KLHL1: variants seen among roughly 807,000 people sequenced by gnomAD.
The protein encoded by KLHL1 is kelch like family member 1.
A neutral mutation model predicts 77.7 loss-of-function variants in KLHL1; 47 were observed. The observed-to-expected ratio is 0.60, with a 90% CI of 0.48 to 0.77. The LOEUF (loss-of-function observed/expected upper bound fraction) is 0.77, where lower values mean the gene tolerates loss of function less well. Among genes scored for constraint, KLHL1 ranks in the 30% least tolerant of loss-of-function variants. The pLI is 0.00. For synonymous variants in KLHL1, 360 were observed against 325.2 expected (o/e 1.11, Z -1.15); for missense variants, 925 against 910.8 (o/e 1.02, Z -0.20).
intron 2 of KLHL1, among the ~76,000 whole-genome samples, chr13:69,971,675 A>G (rs914738797): frequency 2.6e-5 from 4 of 151,946 alleles, no homozygotes; most frequent in Non-Finnish European, 5.9e-5. Context: ...TTATTTGACT[A>G]TGTCTTGACT....
At chr13:69,759,710 G>T (rs1479522506) in intron 7 of KLHL1, among the ~76,000 whole-genome samples, 1 of 152,010 alleles carries the variant, frequency 6.6e-6, no homozygotes, top group Non-Finnish European at 1.5e-5. Flanking sequence ...CCTTAAATTC[G>T]CATTTCTACA....
At chr13:70,008,484 G>A (rs1428683195) in intron 1 of KLHL1, among the ~76,000 whole-genome samples, 1 of 151,962 alleles carries the variant, frequency 6.6e-6, no homozygotes, top group Non-Finnish European at 1.5e-5. Flanking sequence ...ACTCATGTGC[G>A]TCATTGGCTA....
intron 6 of KLHL1, among the ~76,000 whole-genome samples, chr13:69,821,182 AG>A (rs1307423333): frequency 6.6e-6 from 1 of 152,236 alleles, no homozygotes; most frequent in African/African-American, 2.4e-5. Flanking sequence ...AACAAATGGT[AG>A]GCTAGATATG....
At chr13:69,820,488 T>G (rs921392376) in intron 6 of KLHL1, among the ~76,000 whole-genome samples, 4 of 152,142 alleles carry the variant, frequency 2.6e-5, no homozygotes, top group African/African-American at 4.8e-5. Context: ...GTGATAAGCT[T>G]GCTATCATTT....
At chr13:69,842,629 G>C (rs1448925540) in intron 5 of KLHL1, among the ~76,000 whole-genome samples, 3 of 151,818 alleles carry the variant, frequency 2.0e-5, no homozygotes, top group Non-Finnish European at 4.4e-5. Context: ...ACAATGTGGA[G>C]ATTTCTCAAA....
chr13:69,988,728 T>C (rs963488244), intron 1 of KLHL1, among the ~76,000 whole-genome samples: 5 of 152,202 alleles, frequency 3.3e-5, no homozygotes, highest in African/African-American at 1.2e-4. Context: ...TTGAACATTT[T>C]TTCATAAGTA....
intron 6 of KLHL1, among the ~76,000 whole-genome samples, chr13:69,830,088 G>GA: frequency 6.7e-6 from 1 of 149,906 alleles, no homozygotes; most frequent in Non-Finnish European, 1.5e-5. Context: ...ATGATAAAAA[G>GA]AATAGTACCT....
intron 4 of KLHL1, among the ~76,000 whole-genome samples, chr13:69,891,571 A>G (rs1343291386): frequency 1.3e-5 from 2 of 152,024 alleles, no homozygotes; most frequent in African/African-American, 4.8e-5. Context: ...TCTAATTCTG[A>G]TCCTTTCTAG....
intron 3 of KLHL1, among the ~76,000 whole-genome samples, chr13:69,944,147 G>A (rs562668253): frequency 1.3e-5 from 2 of 152,154 alleles, no homozygotes; most frequent in Admixed American, 6.5e-5. Context: ...TGCCTAAACT[G>A]TACAAACAAT....
chr13:69,901,537 G>A (rs1881859062), intron 4 of KLHL1, among the ~76,000 whole-genome samples: 1 of 152,102 alleles, frequency 6.6e-6, no homozygotes, highest in Non-Finnish European at 1.5e-5. Flanking sequence ...TTTGGCAAAA[G>A]AAAACAAAAA....
In KLHL1 at chr13:69,707,610, T is replaced by C; in HGVS notation, c.2187+15A>G. Reference sequence around the variant, plus strand: ...TTCTTATCCTTGAAGTGAATTATGCTGATGACAATCTTACCTGTGTCCACT... The same window carrying C: ...TTCTTATCCTTGAAGTGAATTATGCCGATGACAATCTTACCTGTGTCCACT... On this transcript the variant is annotated intron_variant, in intron 10 of 10. Coordinates refer to ENST00000377844, the MANE Select transcript of KLHL1 (RefSeq NM_020866.3). The C allele has an allele frequency of 6.2e-7, 1 of 1,605,634 alleles. No individual in the cohort carries two copies. The highest frequency in any genetic ancestry group is 8.5e-7 in the Non-Finnish European group (1 of 1,174,406).
At chr13:69,719,209 T>TGTGTGTGTGA (rs879782405) in intron 9 of KLHL1, among the ~76,000 whole-genome samples, 160 bp downstream of exon 9, 2 of 36,864 alleles carry the variant, frequency 5.4e-5, no homozygotes, top group African/African-American at 1.1e-4. Context: ...TGTGTGTGTG[T>TGTGTGTGTGA]GAGAGAGAGA....
intron 3 of KLHL1, among the ~76,000 whole-genome samples, chr13:69,952,410 T>G (rs1472275863): frequency 1.3e-5 from 2 of 151,388 alleles, no homozygotes; most frequent in Non-Finnish European, 3.0e-5. Flanking sequence ...ATTTCTTTAT[T>G]AACTTTTATT....
At chr13:70,082,121 T>C (rs1023831397) in intron 1 of KLHL1, among the ~76,000 whole-genome samples, 1 of 152,118 alleles carries the variant, frequency 6.6e-6, no homozygotes, top group Non-Finnish European at 1.5e-5. Flanking sequence ...CCCCTTTGCC[T>C]TCCTCCATAA....
At chr13:70,087,973 G>A (rs1040264850) in intron 1 of KLHL1, among the ~76,000 whole-genome samples, 4 of 152,056 alleles carry the variant, frequency 2.6e-5, no homozygotes, top group African/African-American at 9.7e-5. Flanking sequence ...GCATGTGGGG[G>A]CTTCATATCT....
chr13:70,069,175 C>G (rs747023255), intron 1 of KLHL1, among the ~76,000 whole-genome samples: 10 of 152,070 alleles, frequency 6.6e-5, no homozygotes, highest in Non-Finnish European at 1.3e-4. Flanking sequence ...CCCACAAGCC[C>G]CATACGCTAC....
chr13:70,039,533 C>G (rs1400755876), intron 1 of KLHL1, among the ~76,000 whole-genome samples: 3 of 151,256 alleles, frequency 2.0e-5, no homozygotes, highest in South Asian at 2.1e-4. Flanking sequence ...TTTTAACAAT[C>G]TTTTTCAAAC....
At chr13:69,905,777 T>C (rs1341823298) in intron 4 of KLHL1, among the ~76,000 whole-genome samples, 1 of 152,090 alleles carries the variant, frequency 6.6e-6, no homozygotes, top group Admixed American at 6.6e-5. Flanking sequence ...CTTTTCTAAG[T>C]GGGCATATTA....
chr13:69,927,512 T>G, intron 4 of KLHL1, among the ~76,000 whole-genome samples: 1 of 152,194 alleles, frequency 6.6e-6, no homozygotes, highest in East Asian at 1.9e-4. Flanking sequence ...AATCATATAG[T>G]TGATACGAGA....
Sources: allele counts gnomAD v4.1 joint callset (sites outside exome capture counted in the v4.1 genomes callset), GRCh38; gene constraint gnomAD v4.1.1; transcripts MANE v1.5; gene names NCBI Gene and HGNC (gene_info 2026-07-23, HGNC 2026-07-21).